The following VILL variants were observed in gnomAD, a reference collection of about 807,000 sequenced individuals.
VILL encodes villin-like protein.
Under a neutral mutation model 106.3 loss-of-function variants are expected in VILL, and 102 were observed. The ratio of observed to expected loss-of-function variants is 0.96; its 90% confidence interval spans 0.82 to 1.13. VILL has a LOEUF of 1.13. VILL is among the 50% of genes most tolerant of loss of function. The probability of loss-of-function intolerance (pLI) is 0.00; values close to 1 mark genes in which losing one functional copy is unlikely to be tolerated. For missense variants in VILL, 1,076 were observed against 1,116.6 expected, an observed-to-expected ratio of 0.96 and a Z score of 0.52; for synonymous variants, 431 against 440.3, an observed-to-expected ratio of 0.98 and a Z score of 0.27.
intron 10 of VILL, 21 bp downstream of exon 10, chr3:37,999,071 T>C (rs1215741195): frequency 2.4e-5 from 4 of 167,346 alleles, no homozygotes; most frequent in African/African-American, 1.1e-4. Flanking sequence ...GGGGCGGGGC[T>C]GACGGGGGCG....
At chr3:38,002,362 C>T (rs767401529) in intron 13 of VILL, 34 bp from the exon 14 acceptor site, 1 of 1,561,056 alleles carries the variant, frequency 6.4e-7, no homozygotes, top group Non-Finnish European at 8.7e-7. Context: ...CCCCTGGGAG[C>T]CCTTGCCCAG....
chr3:38,001,332 G>A, intron 11 of VILL, 124 bp from the exon 12 acceptor site: 1 of 1,414,376 alleles, frequency 7.1e-7, no homozygotes. Flanking sequence ...CTGAGGGTGG[G>A]CCCCTGGCCT....
intron 15 of VILL, chr3:38,003,880 C>T (rs1699865596): frequency 4.8e-6 from 1 of 210,402 alleles, no homozygotes; most frequent in South Asian, 1.0e-4. Context: ...TCTCCTTCTC[C>T]CAGCCTGGCT....
chr3:37,989,160 G>A (rs1479942022), upstream of VILL, among the ~76,000 whole-genome samples: 1 of 152,086 alleles, frequency 6.6e-6, no homozygotes, highest in Non-Finnish European at 1.5e-5. Flanking sequence ...GAGAAATCAG[G>A]GCAACTCCAG....
intron 13 of VILL, 94 bp downstream of exon 13, chr3:38,001,954 T>TG: frequency 6.4e-7 from 1 of 1,565,090 alleles, no homozygotes; most frequent in Non-Finnish European, 8.7e-7. Context: ...TCTTTGGGCC[T>TG]GGGGCCTGCT....
In VILL at chr3:38,004,108, G is replaced by C. The variant is rs1026367813; in HGVS notation, c.1806-147G>C. 5 of 1,069,232 alleles carry C rather than the reference G, an allele frequency of 4.7e-6. No homozygotes were observed. In the African/African-American group the frequency reaches 7.9e-5, roughly 17 times the overall value. 66.2% of individuals were successfully genotyped at this position (1,069,232 alleles called of 1,614,324 possible). On this transcript the variant is annotated intron_variant, in intron 15 of 19. Transcript: ENST00000383759. Reference sequence around the variant, plus strand: ...CCCTGTACCCAGAGCAGAGCGGAGTGCTCGGGGAGAAACCACGGGGCTCAG... The same window carrying C: ...CCCTGTACCCAGAGCAGAGCGGAGTCCTCGGGGAGAAACCACGGGGCTCAG...
intron 11 of VILL, among the ~76,000 whole-genome samples, chr3:38,000,288 G>T (rs533629284): frequency 3.9e-5 from 6 of 152,300 alleles, no homozygotes; most frequent in South Asian, 2.1e-4. Context: ...AAGAGACTGA[G>T]AGAGGAGGAG....
At position 38,001,836 on chromosome 3, in the gene VILL, C is replaced by T. The variant is rs1699823495; in HGVS notation, c.1455C>T (p.Phe485=). The T allele has an allele frequency of 6.2e-7, 1 of 1,614,146 alleles. No homozygotes were observed. Among genetic ancestry groups the T allele is most frequent in the African/African-American group, 1.3e-5 (1 of 74,958 alleles). Residue 485 remains phenylalanine, a synonymous_variant, in exon 13 of 20, where the codon TTC becomes TTT. Coordinates refer to ENST00000383759, the MANE Select transcript of VILL (RefSeq NM_015873.4). The part of the protein sequence containing the change: ...GSEPPHFLAI[F]QGQLVIFQER... Reference sequence around the variant, plus strand: ...AGCCCCCCCACTTCCTCGCCATCTTCCAGGGCCAGCTGGTGATCTTCCAGG... The same window carrying T: ...AGCCCCCCCACTTCCTCGCCATCTTTCAGGGCCAGCTGGTGATCTTCCAGG...
intron 1 of VILL, among the ~76,000 whole-genome samples, chr3:37,991,335 C>A (rs183242351): frequency 2.7e-3 from 400 of 149,404 alleles, no homozygotes; most frequent in Non-Finnish European, 3.7e-3. Context: ...GTAGGGAGTG[C>A]CCCGGGAAAG....
Position 38,001,490 on chromosome 3 carries a change from T to C in VILL, c.1217T>C (p.Val406Ala). ...WCIQDLHRQP[V>A]DPKRHGQLCA... Reference sequence around the variant, plus strand: ...ATCCAGGACTTACACAGGCAGCCCGTGGACCCCAAGCGTCATGGACAGCTG... The same window carrying C: ...ATCCAGGACTTACACAGGCAGCCCGCGGACCCCAAGCGTCATGGACAGCTG... Residue 406 changes from valine to alanine, a missense_variant, in exon 12 of 20, where the codon GTG (valine) becomes GCG (alanine). Val to Ala is a moderately conservative substitution (Grantham distance 64, BLOSUM62 0). Coordinates refer to ENST00000383759, the MANE Select transcript of VILL (RefSeq NM_015873.4). The C allele has an allele frequency of 6.2e-7, 1 of 1,614,182 alleles. No individual in the cohort carries two copies. Among genetic ancestry groups the C allele is most frequent in the Non-Finnish European group, 8.5e-7 (1 of 1,180,004 alleles).
In VILL at chr3:37,999,336, C is replaced by T. The variant is rs749590830; in HGVS notation, c.1082-3C>T. 1 of 1,513,046 alleles carries T rather than the reference C, an allele frequency of 6.6e-7. No individual in the cohort carries two copies. Among genetic ancestry groups the T allele is most frequent in the Admixed American group, 2.3e-5 (1 of 44,106 alleles). The allele number at this position is 1,513,046 out of a possible 1,614,324, so 93.7% of individuals were successfully genotyped here. A position where few individuals can be genotyped will look rare whatever the true frequency, so the allele number is the denominator to read the frequency against. Reference sequence around the variant, plus strand: ...CCACTGACGCCTACTGTCCCCCCTTCAGATAAATCGATTCATGTAAAGCTG... The same window carrying T: ...CCACTGACGCCTACTGTCCCCCCTTTAGATAAATCGATTCATGTAAAGCTG... On this transcript the variant is annotated splice_region_variant and splice_polypyrimidine_tract_variant and intron_variant, in intron 10 of 19. Transcript: ENST00000383759.
intron 18 of VILL, 28 bp from the exon 19 acceptor site, chr3:38,006,421 C>T: frequency 1.3e-6 from 2 of 1,581,592 alleles, no homozygotes; most frequent in Non-Finnish European, 8.6e-7. Flanking sequence ...TCCCCATCTT[C>T]CCCAGCCTGA....
intron 16 of VILL, 36 bp downstream of exon 16, chr3:38,004,435 C>T (rs560096985): frequency 1.9e-5 from 30 of 1,589,964 alleles, no homozygotes; most frequent in Non-Finnish European, 2.3e-5. Flanking sequence ...GGGCTGTGAA[C>T]GGGGGTGTGT....
chr3:37,995,848 G>A lies in VILL; in HGVS notation c.450+1G>A. 2.5e-6 allele frequency: 4 copies of A among 1,613,090 alleles called. No homozygotes were observed. Among genetic ancestry groups the A allele is most frequent in the Non-Finnish European group, 3.4e-6 (4 of 1,179,374 alleles). On this transcript the variant is annotated splice_donor_variant, in intron 5 of 19. Coordinates refer to ENST00000383759, the MANE Select transcript of VILL (RefSeq NM_015873.4). LOFTEE classifies it high-confidence loss of function. Reference sequence around the variant, plus strand: ...GAGGAAGCACGTGTCTGCCACTGAGGTGAGGCTGCCAGGGGAGCCTCTTGA... The same window carrying A: ...GAGGAAGCACGTGTCTGCCACTGAGATGAGGCTGCCAGGGGAGCCTCTTGA...
intron 11 of VILL, among the ~76,000 whole-genome samples, chr3:38,000,542 G>A (rs1430144353): frequency 1.3e-5 from 2 of 152,160 alleles, no homozygotes; most frequent in African/African-American, 4.8e-5. Flanking sequence ...AGGGAGACAG[G>A]AAAGCAGAAG....
At chr3:38,002,280 AGGGCC>A in intron 13 of VILL, 111 bp from the exon 14 acceptor site, 1 of 937,486 alleles carries the variant, frequency 1.1e-6, no homozygotes, top group Non-Finnish European at 1.6e-6. Context: ...ATCACCAGTG[AGGGCC>A]TTGATGGCTT....
intron 11 of VILL, 29 bp from the exon 12 acceptor site, chr3:38,001,427 C>G (rs754289792): frequency 6.2e-7 from 1 of 1,610,832 alleles, no homozygotes; most frequent in Non-Finnish European, 8.5e-7. Context: ...AGAGCAGCCA[C>G]CTGTGCCCAT....
rs1299750198 is a variant in VILL at position 38,001,497 on chromosome 3, C to T, written c.1224C>T (p.Pro408=). The T allele has an allele frequency of 6.2e-7, 1 of 1,614,208 alleles. No individual in the cohort carries two copies. The highest frequency in any genetic ancestry group is 8.5e-7 in the Non-Finnish European group (1 of 1,180,026). ...IQDLHRQPVD[P]KRHGQLCAGN... is the part of the protein sequence containing the mutation. ...ACTTACACAGGCAGCCCGTGGACCC[C>T]AAGCGTCATGGACAGCTGTGTGCAG... Residue 408 remains proline (P), a synonymous_variant, in exon 12 of 20, where the codon CCC becomes CCT. Coordinates refer to ENST00000383759, the MANE Select transcript of VILL (RefSeq NM_015873.4).
At chr3:38,004,084 C>A in intron 15 of VILL, 171 bp from the exon 16 acceptor site, 3 of 797,080 alleles carry the variant, frequency 3.8e-6, no homozygotes, top group African/African-American at 3.5e-5. Flanking sequence ...AGAGAGGGAC[C>A]CTGTACCCAG....
Sources: allele counts gnomAD v4.1 joint callset (sites outside exome capture counted in the v4.1 genomes callset), GRCh38; gene constraint gnomAD v4.1.1; transcripts MANE v1.5; gene names NCBI Gene and HGNC (gene_info 2026-07-23, HGNC 2026-07-21).